The following DSTYK variants were observed in gnomAD, a reference collection of about 807,000 sequenced individuals.
DSTYK encodes dual serine/threonine and tyrosine protein kinase.
Under a neutral mutation model 98.7 loss-of-function variants are expected in DSTYK, and 34 were observed. The ratio of observed to expected loss-of-function variants is 0.34; its 90% confidence interval spans 0.26 to 0.46. The LOEUF is 0.46. DSTYK is among the 20% of genes least tolerant of loss of function. The pLI is 1.00. For missense variants in DSTYK, 962 were observed against 1,181.7 expected, an observed-to-expected ratio of 0.81 and a Z score of 2.73; for synonymous variants, 462 against 457.3, an observed-to-expected ratio of 1.01 and a Z score of -0.13.
Position 205,143,150 on chromosome 1 carries a change from CTTTTTTT to C in DSTYK, c.*4401_*4407del, listed in dbSNP as rs879002141. On this transcript the variant is annotated 3_prime_UTR_variant, in exon 13 of 13. Coordinates refer to ENST00000367162, the MANE Select transcript of DSTYK (RefSeq NM_015375.3). ...AAGGATTAACCTTCTTTTTCTTTTT[CTTTTTTT>C]TTTTTTTGAGATGGAGTCTTGCTCT... 3 of 143,098 alleles carry C rather than the reference CTTTTTTT, an allele frequency of 2.1e-5. No homozygotes were observed. Among genetic ancestry groups the C allele is most frequent in the African/African-American group, 7.7e-5 (3 of 39,154 alleles). 8.9% of individuals were successfully genotyped at this position (143,098 alleles called of 1,614,324 possible).
rs925359608 is a variant in DSTYK, at chr1:205,145,407, T to C, written c.*2151A>G. The C allele has an allele frequency of 3.9e-5, 6 of 152,250 alleles. No homozygotes were observed. Among genetic ancestry groups the C allele is most frequent in the African/African-American group, 1.2e-4 (5 of 41,572 alleles). The allele number at this position is 152,250 out of a possible 1,614,324, so 9.4% of individuals were successfully genotyped here. A position where few individuals can be genotyped will look rare whatever the true frequency, so the allele number is the denominator to read the frequency against. On this transcript the variant is annotated 3_prime_UTR_variant, in exon 13 of 13. Transcript: ENST00000367162. ...AGGATAGCCAAAGAGTTAAAAGTTA[T>C]ATGAAAGACCCATTATAGACTCCAT...
chr1:205,210,477 A>G (rs1368626388), intron 1 of DSTYK, among the ~76,000 whole-genome samples: 1 of 152,188 alleles, frequency 6.6e-6, no homozygotes, highest in Admixed American at 6.6e-5. Context: ...CAAATCCTCC[A>G]GTTCCCCACC....
chr1:205,182,532 G>A (rs1458517339), intron 2 of DSTYK, among the ~76,000 whole-genome samples: 11 of 142,686 alleles, frequency 7.7e-5, no homozygotes, highest in African/African-American at 2.6e-4. Flanking sequence ...AAGGCCAGGC[G>A]CTGTGGCTCA....
intron 1 of DSTYK, among the ~76,000 whole-genome samples, chr1:205,190,637 A>C (rs1045183358): frequency 1.1e-4 from 17 of 149,794 alleles, no homozygotes; most frequent in African/African-American, 3.7e-4. Context: ...AAAAAAAAAA[A>C]CCCAAGAGTA....
chr1:205,198,872 G>A (rs1050434590), intron 1 of DSTYK, among the ~76,000 whole-genome samples: 21 of 144,456 alleles, frequency 1.5e-4, no homozygotes, highest in African/African-American at 4.1e-4. Context: ...TCGCTCTGTC[G>A]CCAGGCTGGA....
In DSTYK at chr1:205,204,156, A is replaced by T. The variant is rs981479973; in HGVS notation, c.265+7115T>A. ...GCCTGAGTAGGTAGTGCCACATTAT[A>T]CTCATTCAATCAGATAGTCTCCCAC... On this transcript the variant is annotated intron_variant, in intron 1 of 12. Coordinates refer to ENST00000367162, the MANE Select transcript of DSTYK (RefSeq NM_015375.3). 7.2e-5 allele frequency among the ~76,000 whole-genome samples: 11 copies of T among 152,234 alleles called. No individual in the cohort carries two copies. In the South Asian group the frequency reaches 8.3e-4, roughly 11 times the overall value.
chr1:205,187,150 T>C lies in DSTYK; in HGVS notation c.654+268A>G, dbSNP rs1265399949. On this transcript the variant is annotated intron_variant, in intron 2 of 12. Transcript: ENST00000367162. ...AGCATGCTAAGATACAAGTATCACA[T>C]ATTCCTTTCATTTCAGAAACAGAGA... 2.0e-5 allele frequency among the ~76,000 whole-genome samples: 3 copies of C among 152,196 alleles called. No homozygotes were observed. In the East Asian group the frequency reaches 5.8e-4, roughly 29 times the overall value.
intron 1 of DSTYK, among the ~76,000 whole-genome samples, chr1:205,195,641 A>T (rs1658844040): frequency 6.6e-6 from 1 of 152,222 alleles, no homozygotes; most frequent in Non-Finnish European, 1.5e-5. Flanking sequence ...TAGTAGGCAA[A>T]GCTCTCGCTG....
chr1:205,156,104 A>G (rs1487088313), intron 10 of DSTYK, among the ~76,000 whole-genome samples: 2 of 152,226 alleles, frequency 1.3e-5, no homozygotes, highest in Non-Finnish European at 2.9e-5. Flanking sequence ...GGATGTATGG[A>G]AATGCCTGGA....
chr1:205,171,317 G>C (rs1019387886), intron 2 of DSTYK, among the ~76,000 whole-genome samples: 1 of 151,928 alleles, frequency 6.6e-6, no homozygotes, highest in Non-Finnish European at 1.5e-5. Context: ...CGGGTGTGGT[G>C]GTGGGCGCCT....
At chr1:205,164,021 C>T (rs987460164) in intron 3 of DSTYK, 66 bp from the exon 4 acceptor site, 27 of 1,364,908 alleles carry the variant, frequency 2.0e-5, no homozygotes, top group Admixed American at 3.5e-5. Flanking sequence ...TAAATAAAGT[C>T]ATCTCCCAAA....
At chr1:205,198,655 T>G (rs776913676) in intron 1 of DSTYK, among the ~76,000 whole-genome samples, 2 of 152,164 alleles carry the variant, frequency 1.3e-5, no homozygotes, top group African/African-American at 4.8e-5. Context: ...TTTAAAATAG[T>G]CTTGTAACCT....
At chr1:205,154,503 G>A (rs1237943139) in intron 10 of DSTYK, among the ~76,000 whole-genome samples, 3 of 152,100 alleles carry the variant, frequency 2.0e-5, no homozygotes, top group Admixed American at 6.6e-5. Context: ...TAAGCTTCCT[G>A]AGGCCTCTCC....
intron 10 of DSTYK, among the ~76,000 whole-genome samples, chr1:205,154,125 A>G (rs1657489594): frequency 6.6e-6 from 1 of 151,794 alleles, no homozygotes; most frequent in Non-Finnish European, 1.5e-5. Flanking sequence ...TTTTGGAGAA[A>G]AGAATATGAG....
intron 2 of DSTYK, among the ~76,000 whole-genome samples, chr1:205,176,308 T>A (rs1302360438): frequency 6.6e-6 from 1 of 151,786 alleles, no homozygotes; most frequent in Non-Finnish European, 1.5e-5. Flanking sequence ...AGAAACCCCA[T>A]CTCTGCTGAA....
chr1:205,171,030 G>GAAAA (rs34037566), intron 2 of DSTYK, among the ~76,000 whole-genome samples: 2 of 143,668 alleles, frequency 1.4e-5, no homozygotes, highest in Non-Finnish European at 1.5e-5. Context: ...TTCATGTAAG[G>GAAAA]AAAAAAAAAA....
chr1:205,205,346 A>T (rs2102483809), intron 1 of DSTYK, among the ~76,000 whole-genome samples: 1 of 152,206 alleles, frequency 6.6e-6, no homozygotes, highest in South Asian at 2.1e-4. Flanking sequence ...CCTCTTTCCC[A>T]ACTTTTCATC....
Position 205,142,756 on chromosome 1 carries a change from T to TA in DSTYK, c.*4801dup, listed in dbSNP as rs1391795188. On this transcript the variant is annotated 3_prime_UTR_variant, in exon 13 of 13. Coordinates refer to ENST00000367162, the MANE Select transcript of DSTYK (RefSeq NM_015375.3). ...GTGTGCCAAAGTCATTGTCTTTTGT[T>TA]ATTGCACTTTTATTCTACACACTTA... is the stretch of plus-strand genomic sequence containing the variant. 1 of 152,232 alleles carries TA rather than the reference T, an allele frequency of 6.6e-6. No individual in the cohort carries two copies. Among genetic ancestry groups the TA allele is most frequent in the Admixed American group, 6.5e-5 (1 of 15,280 alleles). The allele number at this position is 152,232 out of a possible 1,614,324, so 9.4% of individuals were successfully genotyped here. A position where few individuals can be genotyped will look rare whatever the true frequency, so the allele number is the denominator to read the frequency against.
At chr1:205,157,121 T>A in intron 10 of DSTYK, 152 bp downstream of exon 10, 1 of 635,238 alleles carries the variant, frequency 1.6e-6, no homozygotes. Context: ...AATTACCCAG[T>A]CTTAGGTATG....
Sources: allele counts gnomAD v4.1 joint callset (sites outside exome capture counted in the v4.1 genomes callset), GRCh38; gene constraint gnomAD v4.1.1; transcripts MANE v1.5; gene names NCBI Gene and HGNC (gene_info 2026-07-23, HGNC 2026-07-21).